The following TTN variants were observed in gnomAD, a reference collection of about 807,000 sequenced individuals.
TTN encodes titin, also known as connectin.
Under a neutral mutation model 3,223.0 loss-of-function variants are expected in TTN, and 1,525 were observed. That is an observed-to-expected ratio of 0.47 (90% confidence interval 0.45 to 0.49). The LOEUF is 0.49. Ranked by LOEUF, TTN falls within the 20% of genes least tolerant of loss-of-function variation. TTN has a pLI of 0.00. For missense variants in TTN, 40,786 were observed against 43,424.0 expected, an observed-to-expected ratio of 0.94 and a Z score of 5.40; for synonymous variants, 14,094 against 15,161.0, an observed-to-expected ratio of 0.93 and a Z score of 5.17.
Position 178,764,322 on chromosome 2 carries a change from G to A in TTN, c.9989-20C>T. On this transcript the variant is annotated intron_variant, in intron 42 of 362. Coordinates refer to ENST00000589042, the MANE Select transcript of TTN (RefSeq NM_001267550.2). The stretch of plus-strand genomic sequence containing the variant: ...CTGGAACTAAAGAAAGAAACCACAA[G>A]ATTTGTCATGATTAAGTCACCATAG... The A allele has an allele frequency of 6.2e-7, 1 of 1,613,392 alleles. No individual in the cohort carries two copies. Among genetic ancestry groups the A allele is most frequent in the Non-Finnish European group, 8.5e-7 (1 of 1,179,658 alleles).
intron 111 of TTN, among the ~76,000 whole-genome samples, chr2:178,700,012 G>T (rs952026625): frequency 5.9e-5 from 9 of 152,072 alleles, no homozygotes; most frequent in Non-Finnish European, 8.8e-5. Context: ...ACCGCGCCAG[G>T]CCTCTTTTTT....
At chr2:178,689,410 A>G in intron 123 of TTN, 37 bp from the exon 124 acceptor site, 1 of 1,610,914 alleles carries the variant, frequency 6.2e-7, no homozygotes, top group Non-Finnish European at 8.5e-7. Context: ...ATTTGTCAAA[A>G]AGGCCAAATA....
Position 178,547,739 on chromosome 2 carries a change from ACACCAG to A in TTN, c.93881_93886del (p.Ala31294_Gly31295del), listed in dbSNP as rs772807300. The A allele has an allele frequency of 9.3e-5, 150 of 1,613,878 alleles. No homozygotes were observed. The East Asian group carries it at 3.3e-3, about 36-fold the overall frequency. On this transcript the variant is annotated inframe_deletion, in exon 339 of 363. Coordinates refer to ENST00000589042, the MANE Select transcript of TTN (RefSeq NM_001267550.2). The stretch of plus-strand genomic sequence containing the variant: ...CACAACTGTGACGCTAAATGTTTTA[ACACCAG>A]CTGTATTTTCCAGGGTCAAGAAGTA...
chr2:178,653,440 A>G lies in TTN; in HGVS notation c.38694T>C (p.Val12898=), dbSNP rs1408923623. 6.3e-7 allele frequency: 1 copy of G among 1,581,098 alleles called. No individual in the cohort carries two copies. Among genetic ancestry groups the G allele is most frequent in the Non-Finnish European group, 8.5e-7 (1 of 1,171,424 alleles). ...KTLVLPKKPE[V]PPVTVPEAPK... ...AATGACAAGTACCTGTAACAGGTGG[A>G]ACTTCTGGCTTTTTAGGAAGCACCA... is the stretch of plus-strand genomic sequence containing the variant. Residue 12898 remains valine, a synonymous_variant, in exon 197 of 363, where the codon GTT becomes GTC. Transcript: ENST00000589042.
At chr2:178,744,060 T>G (rs989915113) in intron 47 of TTN, among the ~76,000 whole-genome samples, 4 of 151,988 alleles carry the variant, frequency 2.6e-5, no homozygotes, top group African/African-American at 9.7e-5. Flanking sequence ...TAAAGACTGA[T>G]AGATGAAAGA....
Position 178,585,225 on chromosome 2 carries a change from C to A in TTN, c.64519G>T (p.Val21507Phe). ...ACTGCCAGGTGGCTGGATGTGACAA[C>A]TTCATCTTCTCCTTTTTTCCATTTA... ...TCKWKKGEDE[V>F]VTSSHLAVHK... The change falls in exon 309 of 363, where the codon GTT becomes TTT. Residue 21507 changes from valine (V) to phenylalanine (F), a missense_variant. Val to Phe is a conservative substitution (Grantham distance 50). Coordinates refer to ENST00000589042, the MANE Select transcript of TTN (RefSeq NM_001267550.2). 2 of 1,613,342 alleles carry A rather than the reference C, an allele frequency of 1.2e-6. No individual in the cohort carries two copies. The highest frequency in any genetic ancestry group is 1.7e-6 in the Non-Finnish European group (2 of 1,179,438).
chr2:178,565,521 C>T lies in TTN; in HGVS notation c.80611G>A (p.Val26871Ile). Reference sequence around the variant, plus strand: ...TGTATAGTCAAGTCCTTGGCTATGACAGGAACACCCAACACTCTTGGATCG... The same window carrying T: ...TGTATAGTCAAGTCCTTGGCTATGATAGGAACACCCAACACTCTTGGATCG... Reference protein sequence around the residue: ...KSDPRVLGVPVIAKDLTIQPS... With the variant: ...KSDPRVLGVPIIAKDLTIQPS... Residue 26871 changes from valine to isoleucine, a missense_variant, in exon 326 of 363, where the codon GTC becomes ATC. Coordinates refer to ENST00000589042, the MANE Select transcript of TTN (RefSeq NM_001267550.2). 3 of 1,613,426 alleles carry T rather than the reference C, an allele frequency of 1.9e-6. No individual in the cohort carries two copies. Among genetic ancestry groups the T allele is most frequent in the Non-Finnish European group, 8.5e-7 (1 of 1,179,586 alleles).
rs756290427 is a variant in TTN at position 178,549,494 on chromosome 2, C to T, written c.92153-21G>A. 90 of 1,593,444 alleles carry T rather than the reference C, an allele frequency of 5.6e-5. No homozygotes were observed. In the East Asian group the frequency reaches 1.9e-3, roughly 34 times the overall value. On this transcript the variant is annotated intron_variant, in intron 338 of 362. Transcript: ENST00000589042. ...AACAGCTGTAAAACAAAAACAAAAC[C>T]CCAAATCAATTAGATGCATTTGCTT...
intron 266 of TTN, 38 bp from the exon 267 acceptor site, chr2:178,612,200 G>A (rs1200637097): frequency 5.6e-6 from 9 of 1,606,068 alleles, no homozygotes; most frequent in Non-Finnish European, 7.6e-6. Flanking sequence ...AAAACCAGAG[G>A]AAAGGTGATA....
chr2:178,732,787 T>C, intron 55 of TTN, 47 bp downstream of exon 55: 1 of 1,569,360 alleles, frequency 6.4e-7, no homozygotes, highest in Non-Finnish European at 8.6e-7. Context: ...ATGACTTAAT[T>C]TGAACATAAT....
chr2:178,775,738 G>C lies in TTN; in HGVS notation c.6126C>G (p.Thr2042=). ...RKTKDELLHW[T]KELTEEEKKA... is the part of the protein sequence containing the mutation. ...TCTTTTCCTCTTCAGTTAACTCTTTGGTCCAGTGGAGAAGTTCATCTTTTG... is the reference window on the plus strand; with the variant it reads ...TCTTTTCCTCTTCAGTTAACTCTTTCGTCCAGTGGAGAAGTTCATCTTTTG... The change falls in exon 28 of 363, where the codon ACC becomes ACG. Residue 2042 remains threonine, a synonymous_variant. Coordinates refer to ENST00000589042, the MANE Select transcript of TTN (RefSeq NM_001267550.2). 1 of 1,613,960 alleles carries C rather than the reference G, an allele frequency of 6.2e-7. No homozygotes were observed. The highest frequency in any genetic ancestry group is 8.5e-7 in the Non-Finnish European group (1 of 1,179,986).
intron 256 of TTN, 43 bp from the exon 257 acceptor site, chr2:178,616,673 C>CTAAT (rs751231947): frequency 6.2e-7 from 1 of 1,611,746 alleles, no homozygotes; most frequent in African/African-American, 1.3e-5. Flanking sequence ...ATAGTCTGAA[C>CTAAT]TAATATTTGT....
At position 178,548,533 on chromosome 2, in the gene TTN, T is replaced by C. The variant is rs1353489644; in HGVS notation, c.93093A>G (p.Gly31031=). 1 of 1,613,698 alleles carries C rather than the reference T, an allele frequency of 6.2e-7. No individual in the cohort carries two copies. Among genetic ancestry groups the C allele is most frequent in the Admixed American group, 1.7e-5 (1 of 59,984 alleles). Residue 31031 remains glycine, a synonymous_variant, in exon 339 of 363, where the codon GGA becomes GGG. Transcript: ENST00000589042. This position sits in a 1 kb window ranked among gnomAD's most constrained non-coding sequence, Gnocchi z 4.3. ...GGGCATCCCACATCAATGTAGCAGATCCCCGGGTCACATCTTTGAAGGTAA... is the reference window on the plus strand; with the variant it reads ...GGGCATCCCACATCAATGTAGCAGACCCCCGGGTCACATCTTTGAAGGTAA... ...GPITFKDVTR[G]SATLMWDAPL...
intron 47 of TTN, chr2:178,744,461 G>T: frequency 1.1e-6 from 1 of 877,302 alleles, no homozygotes; most frequent in Non-Finnish European, 1.4e-6. Flanking sequence ...TAGTATATAG[G>T]TAAGATATTA....
At position 178,675,890 on chromosome 2, in the gene TTN, C is replaced by A. The variant is rs1403967977; in HGVS notation, c.34453+31G>T. 5.0e-6 allele frequency: 8 copies of A among 1,591,186 alleles called. 1 individual carries two copies. Among genetic ancestry groups the A allele is most frequent in the African/African-American group, 4.0e-5 (3 of 74,552 alleles). On this transcript the variant is annotated intron_variant, in intron 148 of 362. Transcript: ENST00000589042. Reference sequence around the variant, plus strand: ...TTTTATAGGAGAAGGAAGGAAATGGCATAGTCTAATTTACTTCGGAATAGC... The same window carrying A: ...TTTTATAGGAGAAGGAAGGAAATGGAATAGTCTAATTTACTTCGGAATAGC...
chr2:178,745,389 A>G, intron 47 of TTN: 1 of 1,420,580 alleles, frequency 7.0e-7, no homozygotes, highest in Non-Finnish European at 9.2e-7. Context: ...ATGATTCCAC[A>G]GTTCAGATAA....
chr2:178,624,449 TAAG>T lies in TTN; in HGVS notation c.44815+13_44815+15del, dbSNP rs771745752. 10 of 1,610,272 alleles carry T rather than the reference TAAG, an allele frequency of 6.2e-6. No homozygotes were observed. Among genetic ancestry groups the T allele is most frequent in the Admixed American group, 1.7e-5 (1 of 59,378 alleles). ...AGAATTGCAAATGAAAAGTCCTTTG[TAAG>T]AAGAATACTTACGCACGACATTCAG... On this transcript the variant is annotated intron_variant, in intron 242 of 362. Transcript: ENST00000589042.
rs755726554 is a variant in TTN, at chr2:178,531,803, G to C, written c.104812C>G (p.Leu34938Val). ...YEVLSQQPFT[L>V]DHAPRITLRM... ...AGTGTGATTCGAGGGGCATGGTCCA[G>C]TGTGAAAGGCTGCTGACTCAAAACT... Residue 34938 changes from leucine to valine, a missense_variant, in exon 358 of 363, where the codon CTG (leucine) becomes GTG (valine). Physicochemically the swap from Leu to Val is conservative, Grantham distance 32. Coordinates refer to ENST00000589042, the MANE Select transcript of TTN (RefSeq NM_001267550.2). The C allele has an allele frequency of 1.9e-6, 3 of 1,613,998 alleles. No individual in the cohort carries two copies. In the South Asian group the frequency reaches 3.3e-5, roughly 18 times the overall value.
At position 178,776,631 on chromosome 2, in the gene TTN, G is replaced by A. The variant is rs1405428231; in HGVS notation, c.5233C>T (p.Leu1745Phe). The A allele has an allele frequency of 6.2e-7, 1 of 1,613,992 alleles. No individual in the cohort carries two copies. The highest frequency in any genetic ancestry group is 1.3e-5 in the African/African-American group (1 of 74,924). Reference sequence around the variant, plus strand: ...ATACGGAGCCTGTTGGCTGCTTCAAGTGGCTTTCCATCATGGAGCCACTCC... The same window carrying A: ...ATACGGAGCCTGTTGGCTGCTTCAAATGGCTTTCCATCATGGAGCCACTCC... ...VVEWLHDGKP[L>F]EAANRLRMIN... Residue 1745 changes from leucine (L) to phenylalanine (F), a missense_variant, in exon 28 of 363, where the codon CTT (leucine) becomes TTT (phenylalanine). Coordinates refer to ENST00000589042, the MANE Select transcript of TTN (RefSeq NM_001267550.2).
Sources: gnomAD v4.1 joint callset for allele counts (sites outside exome capture counted in the v4.1 genomes callset) on GRCh38, gnomAD v4.1.1 for gene constraint, Gnocchi (gnomAD v3.1) non-coding constraint, MANE v1.5 for transcripts, NCBI Gene and HGNC (gene_info 2026-07-23, HGNC 2026-07-21) for gene names.